Variants in GPC5 observed in about 807,000 individuals in gnomAD.
GPC5 encodes glypican 5.
In GPC5, 47 loss-of-function variants were observed where a neutral mutation model predicts 53.9. The ratio of observed to expected loss-of-function variants is 0.87; its 90% CI spans 0.69 to 1.11. The LOEUF is 1.11. Ranked by LOEUF, GPC5 falls within the 50% of genes most tolerant of loss-of-function variation. The pLI is 0.00. For synonymous variants in GPC5, 286 were observed against 263.3 expected, an observed-to-expected ratio of 1.09 and a Z score of -0.84; for missense variants, 748 against 713.1, an observed-to-expected ratio of 1.05 and a Z score of -0.56.
intron 5 of GPC5, among the ~76,000 whole-genome samples, chr13:91,813,975 C>T (rs1262018030): frequency 2.3e-5 from 3 of 131,954 alleles, no homozygotes; most frequent in Non-Finnish European, 4.7e-5. Flanking sequence ...CTCTGTCACC[C>T]AGGCTGGAGT....
intron 6 of GPC5, among the ~76,000 whole-genome samples, chr13:92,116,616 A>G (rs1318793561): frequency 2.6e-5 from 4 of 152,276 alleles, no homozygotes; most frequent in Non-Finnish European, 5.9e-5. Context: ...TATGCTAAAC[A>G]TCAACATAGG....
intron 3 of GPC5, among the ~76,000 whole-genome samples, chr13:91,698,793 G>A (rs342677): frequency 0.2 from 30,101 of 152,176 alleles, 3,654 homozygotes; most frequent in African/African-American, 0.33. Flanking sequence ...GCGTCAGTCA[G>A]TCTAGTGCAG....
At chr13:92,385,401 C>T (rs187502889) in intron 7 of GPC5, among the ~76,000 whole-genome samples, 16,053 of 66,144 alleles carry the variant, frequency 0.24, 2,825 homozygotes, top group Non-Finnish European at 0.3. Context: ...CATATATACA[C>T]ATATATACAC....
At chr13:92,090,934 G>T (rs1481547554) in intron 6 of GPC5, among the ~76,000 whole-genome samples, 1 of 152,180 alleles carries the variant, frequency 6.6e-6, no homozygotes, top group African/African-American at 2.4e-5. Flanking sequence ...AAGAAAGTGA[G>T]ACCATAGCTC....
At chr13:92,502,460 A>G (rs1209948666) in intron 7 of GPC5, among the ~76,000 whole-genome samples, 1 of 152,048 alleles carries the variant, frequency 6.6e-6, no homozygotes, top group South Asian at 2.1e-4. Context: ...TGAAATGGCT[A>G]TATGCTGTCT....
chr13:92,145,664 G>A (rs2041861992), intron 7 of GPC5, among the ~76,000 whole-genome samples: 2 of 152,062 alleles, frequency 1.3e-5, no homozygotes, highest in Non-Finnish European at 2.9e-5. Flanking sequence ...ATTGTTATCT[G>A]CATGCATTTG....
intron 7 of GPC5, among the ~76,000 whole-genome samples, chr13:92,300,113 C>T (rs933850214): frequency 5.3e-5 from 8 of 152,094 alleles, no homozygotes; most frequent in African/African-American, 1.4e-4. Context: ...TATTCTCTTC[C>T]GAACACAGGT....
intron 6 of GPC5, among the ~76,000 whole-genome samples, chr13:92,050,377 C>A (rs1210859871): frequency 6.6e-6 from 1 of 151,980 alleles, no homozygotes; most frequent in African/African-American, 2.4e-5. Flanking sequence ...CAGACCTTAC[C>A]TATCAAAGGG....
At chr13:92,542,705 T>C (rs917597747) in intron 7 of GPC5, among the ~76,000 whole-genome samples, 4 of 152,100 alleles carry the variant, frequency 2.6e-5, no homozygotes, top group Admixed American at 2.6e-4. Flanking sequence ...TTTTTGCTTG[T>C]CTGGGAAAGA....
chr13:91,420,092 T>C (rs12561118), intron 1 of GPC5, among the ~76,000 whole-genome samples: 17,257 of 152,186 alleles, frequency 0.11, 1,291 homozygotes, highest in South Asian at 0.2. Flanking sequence ...TTCCTGTGTC[T>C]CATGATCCTG....
chr13:91,748,602 T>G (rs2037101779), intron 4 of GPC5, among the ~76,000 whole-genome samples: 1 of 152,192 alleles, frequency 6.6e-6, no homozygotes, highest in African/African-American at 2.4e-5. Context: ...AAGACTTGGC[T>G]TTTGTCTTTA....
chr13:92,147,871 A>G (rs1300760046), intron 7 of GPC5, among the ~76,000 whole-genome samples: 6 of 151,978 alleles, frequency 3.9e-5, no homozygotes, highest in Non-Finnish European at 8.8e-5. Context: ...TGTAGGTCAC[A>G]TTTCTATTTT....
chr13:92,589,146 T>G (rs1279564790), intron 7 of GPC5, among the ~76,000 whole-genome samples: 1 of 152,216 alleles, frequency 6.6e-6, no homozygotes, highest in Non-Finnish European at 1.5e-5. Flanking sequence ...TAGGTCCTAG[T>G]AAATTAGCAC....
chr13:92,520,163 G>C (rs1271809551), intron 7 of GPC5, among the ~76,000 whole-genome samples: 1 of 152,062 alleles, frequency 6.6e-6, no homozygotes. Context: ...AAAAAGTCCA[G>C]AACCAGACAG....
intron 7 of GPC5, among the ~76,000 whole-genome samples, chr13:92,287,216 A>G (rs9584009): frequency 0.011 from 1,611 of 152,306 alleles, 35 homozygotes; most frequent in African/African-American, 0.037. Context: ...TAGTGTTCAG[A>G]GAATGTACTT....
At chr13:92,523,220 C>T (rs1023454048) in intron 7 of GPC5, among the ~76,000 whole-genome samples, 14 of 152,072 alleles carry the variant, frequency 9.2e-5, no homozygotes, top group African/African-American at 3.4e-4. Context: ...TTCTGGAACT[C>T]GTGTGTTGCT....
intron 7 of GPC5, among the ~76,000 whole-genome samples, chr13:92,166,956 T>TCTCTCTCTCA (rs1415930136): frequency 2.4e-5 from 2 of 84,710 alleles, no homozygotes; most frequent in African/African-American, 9.0e-5. Flanking sequence ...TCTCTCTCTC[T>TCTCTCTCTCA]CACACACACA....
chr13:91,535,854 C>G (rs1886567818), intron 2 of GPC5, among the ~76,000 whole-genome samples: 6 of 151,810 alleles, frequency 4.0e-5, no homozygotes, highest in Admixed American at 3.9e-4. Context: ...TTAGTATTCA[C>G]TAATAATAAT....
At chr13:92,833,934 G>A (rs1379198824) in intron 7 of GPC5, among the ~76,000 whole-genome samples, 1 of 152,296 alleles carries the variant, frequency 6.6e-6, no homozygotes, top group East Asian at 1.9e-4. Flanking sequence ...AAGAAGTTTG[G>A]ATTTCATCCA....
Sources: allele counts gnomAD v4.1 joint callset (sites outside exome capture counted in the v4.1 genomes callset), GRCh38; gene constraint gnomAD v4.1.1; transcripts MANE v1.5; gene names NCBI Gene and HGNC (gene_info 2026-07-23, HGNC 2026-07-21).